IQSEC3: variants seen among roughly 807,000 people sequenced by gnomAD.
The protein encoded by IQSEC3 is IQ motif and Sec7 domain ArfGEF 3, also known as IQ motif and SEC7 domain-containing protein 3.
Under a neutral mutation model 105.4 loss-of-function variants are expected in IQSEC3, and 50 were observed. That is an observed-to-expected ratio of 0.47 (90% CI 0.38 to 0.60). IQSEC3 has a LOEUF of 0.60. Among genes scored for constraint, IQSEC3 ranks in the 20% least tolerant of loss-of-function variants. The pLI is 0.00. For synonymous variants in IQSEC3, 708 were observed against 746.0 expected (o/e 0.95, Z 0.83); for missense variants, 1,415 against 1,630.0 (o/e 0.87, Z 2.27).
At chr12:116,989 T>C (rs1341993884) in intron 2 of IQSEC3, among the ~76,000 whole-genome samples, 3 of 152,206 alleles carry the variant, frequency 2.0e-5, no homozygotes, top group East Asian at 3.8e-4. Flanking sequence ...GTATGTTTCA[T>C]CTCTGTGTTA....
chr12:139,690 T>G, intron 4 of IQSEC3: 1 of 227,300 alleles, frequency 4.4e-6, no homozygotes, highest in Non-Finnish European at 8.5e-6. Flanking sequence ...TAAATAACAG[T>G]CCAGGCCGTT....
chr12:138,123 A>C lies in IQSEC3; in HGVS notation c.904-144A>C. 1.4e-6 allele frequency: 1 copy of C among 700,594 alleles called. No homozygotes were observed. The highest frequency in any genetic ancestry group is 2.4e-6 in the Non-Finnish European group (1 of 423,530). 43.4% of individuals were successfully genotyped at this position (700,594 alleles called of 1,614,324 possible). A position where few individuals can be genotyped will look rare whatever the true frequency, so the allele number is the denominator to read the frequency against. ...GGCCAGGACGTTCTAGGCGGTTCAG[A>C]CTTTAGCTGCCCAGGAGCGCCCCCC... On this transcript the variant is annotated intron_variant, in intron 3 of 13. Transcript: ENST00000538872. This position sits in a 1 kb window ranked among gnomAD's most constrained non-coding sequence, Gnocchi z 7.1.
At chr12:143,931 A>G (rs990968944) in intron 5 of IQSEC3, 2 of 154,200 alleles carry the variant, frequency 1.3e-5, no homozygotes, top group Admixed American at 6.6e-5. Context: ...AGAGGTGAGA[A>G]GCAGGAGCAT....
At position 165,431 on chromosome 12, in the gene IQSEC3, C is replaced by A; in HGVS notation, c.2710-3C>A. ...GGCATGCCTGTTTCCCTCTCCTGAA[C>A]AGATTCTCAAACTTTGCCCGAAGAA... On this transcript the variant is annotated splice_polypyrimidine_tract_variant and splice_region_variant and intron_variant, in intron 9 of 13. Coordinates refer to ENST00000538872, the MANE Select transcript of IQSEC3 (RefSeq NM_001170738.2). 1 of 1,613,088 alleles carries A rather than the reference C, an allele frequency of 6.2e-7. No homozygotes were observed. The highest frequency in any genetic ancestry group is 8.5e-7 in the Non-Finnish European group (1 of 1,179,118).
At chr12:72,843 G>A (rs1482069029) in intron 1 of IQSEC3, among the ~76,000 whole-genome samples, 1 of 116,590 alleles carries the variant, frequency 8.6e-6, no homozygotes, top group East Asian at 2.2e-4. Flanking sequence ...AGGAGATCGA[G>A]ACCATCCTAG....
At chr12:134,089 T>C (rs576229500) in intron 3 of IQSEC3, among the ~76,000 whole-genome samples, 2 of 152,346 alleles carry the variant, frequency 1.3e-5, no homozygotes, top group Non-Finnish European at 2.9e-5. Context: ...AGAGCATGTG[T>C]AGGGTGAGCT....
chr12:126,471 T>C (rs1224629501), intron 3 of IQSEC3, among the ~76,000 whole-genome samples: 1 of 151,902 alleles, frequency 6.6e-6, no homozygotes, highest in Non-Finnish European at 1.5e-5. Context: ...AGTGGCCAAT[T>C]GTGGGGCCCC....
At chr12:73,878 A>G (rs1440613947) in intron 1 of IQSEC3, among the ~76,000 whole-genome samples, 1 of 152,290 alleles carries the variant, frequency 6.6e-6, no homozygotes, top group African/African-American at 2.4e-5. Flanking sequence ...AACCAGCAGC[A>G]CAAATCCACC....
rs991299444 is a variant in IQSEC3, at chr12:145,399, G to A, written c.2153+4114G>A. On this transcript the variant is annotated intron_variant, in intron 5 of 13. Transcript: ENST00000538872. ...AGTGCTCCTCCTACCTCGGCCTCCT[G>A]AGTAGCTGGGACTACAGGCTAAATG... 2.0e-5 allele frequency among the ~76,000 whole-genome samples: 3 copies of A among 152,134 alleles called. No individual in the cohort carries two copies. The East Asian group carries it at 5.8e-4, about 29-fold the overall frequency.
chr12:132,159 C>T (rs1286393834), intron 3 of IQSEC3, among the ~76,000 whole-genome samples: 12 of 151,838 alleles, frequency 7.9e-5, no homozygotes, highest in East Asian at 3.9e-4. Context: ...AGATAGGTCT[C>T]GAAGAAGAGG....
intron 1 of IQSEC3, among the ~76,000 whole-genome samples, chr12:76,622 G>T (rs141751443): frequency 0.015 from 2,315 of 152,202 alleles, 28 homozygotes; most frequent in African/African-American, 0.045. Flanking sequence ...GTAAAATGGG[G>T]CAAATCTACC....
At chr12:139,683 A>C in intron 4 of IQSEC3, 1 of 245,916 alleles carries the variant, frequency 4.1e-6, no homozygotes, top group East Asian at 7.6e-5. Context: ...TATTAAGTAA[A>C]TAACAGTCCA....
At position 175,262 on chromosome 12, in the gene IQSEC3, G is replaced by T. The variant is rs1165519513; in HGVS notation, c.*229G>T. ...TGAAGACACACCTCACTCTCCCAGG[G>T]CCCTACACAGCCAGACCCGGCGAGG... is the stretch of plus-strand genomic sequence containing the variant. On this transcript the variant is annotated 3_prime_UTR_variant, in exon 14 of 14. Coordinates refer to ENST00000538872, the MANE Select transcript of IQSEC3 (RefSeq NM_001170738.2). The T allele has an allele frequency of 3.1e-5, 15 of 487,392 alleles. No homozygotes were observed. The highest frequency in any genetic ancestry group is 4.7e-5 in the Non-Finnish European group (13 of 278,164). 30.2% of individuals were successfully genotyped at this position (487,392 alleles called of 1,614,324 possible).
rs78510852 is a variant in IQSEC3 at position 112,533 on chromosome 12, G to A, written c.624-13100G>A. ...TGGAAGGGAGCCGAGGGGAAGGGCA[G>A]ACCCAGGCAGCACCTGGGCTTCCAG... On this transcript the variant is annotated intron_variant, in intron 2 of 13. Coordinates refer to ENST00000538872, the MANE Select transcript of IQSEC3 (RefSeq NM_001170738.2). 3.4e-3 allele frequency among the ~76,000 whole-genome samples: 520 copies of A among 152,314 alleles called. 3 individuals are homozygous for A. Among genetic ancestry groups the A allele is most frequent in the African/African-American group, 0.012 (478 of 41,560 alleles).
chr12:88,951 C>T (rs549279113), intron 1 of IQSEC3, among the ~76,000 whole-genome samples: 157 of 152,162 alleles, frequency 1.0e-3, no homozygotes, highest in Non-Finnish European at 1.7e-3. Context: ...ATGTTTCTCT[C>T]AAGGTAGTTT....
At chr12:169,911 G>A (rs986428418) in intron 12 of IQSEC3, among the ~76,000 whole-genome samples, 2 of 152,242 alleles carry the variant, frequency 1.3e-5, no homozygotes, top group Non-Finnish European at 2.9e-5. Context: ...TCGAATGGCT[G>A]CTGCCCTGTG....
At chr12:153,152 GGCTCATGCTGTAGAGGGCCGAGGCTTATA>G (rs1866563933) in intron 5 of IQSEC3, among the ~76,000 whole-genome samples, 1 of 152,030 alleles carries the variant, frequency 6.6e-6, no homozygotes, top group African/African-American at 2.4e-5. Flanking sequence ...GAACAGAGGA[GGCTCATGCTGTAGAGGGCCGAGGCTTATA>G]GGTGCTTCCA....
At chr12:166,065 G>T in intron 11 of IQSEC3, 175 bp downstream of exon 11, 1 of 649,172 alleles carries the variant, frequency 1.5e-6, no homozygotes, top group Non-Finnish European at 2.6e-6. Flanking sequence ...CGGTTCCCAT[G>T]TTTCTTCACA....
At chr12:123,765 C>T (rs943524112) in intron 2 of IQSEC3, among the ~76,000 whole-genome samples, 2 of 152,206 alleles carry the variant, frequency 1.3e-5, no homozygotes, top group Non-Finnish European at 2.9e-5. Context: ...GCCCATCTTT[C>T]ATGGTGGCAA....
Sources: allele counts gnomAD v4.1 joint callset (sites outside exome capture counted in the v4.1 genomes callset), GRCh38; gene constraint gnomAD v4.1.1; non-coding constraint Gnocchi (gnomAD v3.1); transcripts MANE v1.5; gene names NCBI Gene and HGNC (gene_info 2026-07-23, HGNC 2026-07-21).